The following PUDP variants were observed in gnomAD, a reference collection of about 807,000 sequenced individuals.
PUDP encodes the protein pseudouridine-5'-phosphatase.
In PUDP, 8 loss-of-function variants were observed where a neutral mutation model predicts 9.4. The observed-to-expected ratio is 0.85, with a 90% CI of 0.50 to 1.53. The LOEUF is 1.53. PUDP is among the 40% of genes most tolerant of loss of function. The pLI is 0.00. For synonymous variants in PUDP, 99 were observed against 80.7 expected (o/e 1.23, Z -1.22); for missense variants, 188 against 189.7 (o/e 0.99, Z 0.05).
chrX:7,047,865 G>A (rs1467624451), downstream of PUDP, among the ~76,000 whole-genome samples: 1 of 112,012 alleles, frequency 8.9e-6, no homozygotes, highest in Admixed American at 9.5e-5. Context: ...TAATGTGCAC[G>A]TTTTTTAAAA....
At chrX:6,831,003 G>C (rs1163975186) in intron 3 of PUDP, among the ~76,000 whole-genome samples, 1 of 111,362 alleles carries the variant, frequency 9.0e-6, no homozygotes, top group East Asian at 2.8e-4. Flanking sequence ...TGGGAATCAA[G>C]GCTTTTATGG....
intron 3 of PUDP, among the ~76,000 whole-genome samples, chrX:6,823,168 C>A (rs1389055501): frequency 1.8e-5 from 2 of 111,112 alleles, no homozygotes; most frequent in African/African-American, 6.6e-5. Context: ...CAAAGTAAGA[C>A]CTTGTCTTAA....
intron 1 of PUDP, among the ~76,000 whole-genome samples, chrX:6,994,687 T>C (rs992591714): frequency 8.9e-6 from 1 of 111,954 alleles, no homozygotes; most frequent in African/African-American, 3.2e-5. Context: ...CATAGTGAGA[T>C]GTAGGCTACA....
chrX:6,870,560 C>T (rs979022350), intron 3 of PUDP, among the ~76,000 whole-genome samples: 1 of 111,785 alleles, frequency 8.9e-6, no homozygotes, highest in Non-Finnish European at 1.9e-5. Context: ...AACTGTAAGT[C>T]GATTAAATCT....
At chrX:6,921,006 G>A (rs1335724009) in intron 3 of PUDP, among the ~76,000 whole-genome samples, 2 of 110,788 alleles carry the variant, frequency 1.8e-5, no homozygotes, top group Non-Finnish European at 3.8e-5. Context: ...GCCTGAGAGT[G>A]GGGTGAGTGT....
intron 3 of PUDP, among the ~76,000 whole-genome samples, chrX:6,860,473 T>G (rs985219999): frequency 9.6e-6 from 1 of 104,257 alleles, no homozygotes; most frequent in East Asian, 3.6e-4. Context: ...TTTTTGTTTT[T>G]TGTTTTTTGT....
chrX:7,035,313 G>A (rs1929839812), intron 1 of PUDP, among the ~76,000 whole-genome samples: 2 of 111,444 alleles, frequency 1.8e-5, no homozygotes, highest in South Asian at 7.6e-4. Context: ...CAAAAATTAG[G>A]TTTCCTGGTG....
intron 1 of PUDP, among the ~76,000 whole-genome samples, chrX:7,126,768 G>A (rs760278535): frequency 9.0e-6 from 1 of 111,051 alleles, no homozygotes; most frequent in African/African-American, 3.3e-5. Flanking sequence ...AGTTTGAGGG[G>A]GACATGACTC....
intron 3 of PUDP, among the ~76,000 whole-genome samples, chrX:6,914,000 TA>T (rs766119074): frequency 1.8e-5 from 2 of 109,175 alleles, no homozygotes; most frequent in Non-Finnish European, 1.9e-5. Context: ...ACCCCGTCTC[TA>T]CTAAAAATAC....
chrX:6,845,948 T>C (rs1926738760), intron 3 of PUDP, among the ~76,000 whole-genome samples: 1 of 111,628 alleles, frequency 9.0e-6, no homozygotes, highest in African/African-American at 3.3e-5. Flanking sequence ...AGTAAAGAAA[T>C]GGAGAGTAAG....
At chrX:6,766,110 A>AG (rs749157557) in intron 3 of PUDP, among the ~76,000 whole-genome samples, 1 of 111,731 alleles carries the variant, frequency 9.0e-6, no homozygotes. Context: ...TAAAAAAAAA[A>AG]CTGTCAACCC....
chrX:7,110,078 C>T lies in PUDP; in HGVS notation c.62-4240G>A, dbSNP rs777808326. ...GGAGAGCCTGGCAGGGAGGTGGAAG[C>T]TCTGAAGAAGCTACAGGGTGCCCCA... is the stretch of plus-strand genomic sequence containing the variant. On this transcript the variant is annotated intron_variant, in intron 1 of 3. Transcript: ENST00000381077. Among the ~76,000 whole-genome samples the T allele has an allele frequency of 6.9e-4, 77 of 112,289 alleles. 2 individuals carry two copies. The Admixed American group carries it at 7.1e-3, about 10-fold the overall frequency.
intron 3 of PUDP, among the ~76,000 whole-genome samples, chrX:6,941,882 G>T (rs752405958): frequency 1.1e-4 from 12 of 112,061 alleles, no homozygotes; most frequent in African/African-American, 3.9e-4. Context: ...TCTCTAGAAA[G>T]AAATAATCTT....
intron 3 of PUDP, among the ~76,000 whole-genome samples, chrX:6,890,577 C>T (rs1254479838): frequency 1.8e-5 from 2 of 110,923 alleles, no homozygotes; most frequent in African/African-American, 3.3e-5. Flanking sequence ...TATAGTGGCA[C>T]ATTTTCCACA....
intron 3 of PUDP, among the ~76,000 whole-genome samples, chrX:6,726,830 A>G (rs1924744334): frequency 8.9e-6 from 1 of 111,978 alleles, no homozygotes; most frequent in Non-Finnish European, 1.9e-5. Context: ...GATTCATTTA[A>G]TCAATTAAAT....
chrX:7,133,211 G>A (rs185447407), intron 1 of PUDP, among the ~76,000 whole-genome samples: 10 of 111,646 alleles, frequency 9.0e-5, no homozygotes, highest in East Asian at 5.6e-4. Context: ...TCTTGGCCAC[G>A]CGGGTAGGAA....
chrX:6,996,640 A>ATG (rs1225704467), intron 1 of PUDP, among the ~76,000 whole-genome samples: 1 of 105,142 alleles, frequency 9.5e-6, no homozygotes. Flanking sequence ...GTATATATAT[A>ATG]TGTGTGTGTG....
At chrX:6,957,681 A>T (rs1397469418) in intron 3 of PUDP, among the ~76,000 whole-genome samples, 2 of 112,503 alleles carry the variant, frequency 1.8e-5, no homozygotes, top group Non-Finnish European at 3.7e-5. Flanking sequence ...TGGCTCGGGA[A>T]CTAGGTAATA....
At chrX:6,990,813 C>A (rs967650164) in intron 1 of PUDP, among the ~76,000 whole-genome samples, 3 of 112,543 alleles carry the variant, frequency 2.7e-5, no homozygotes, top group Non-Finnish European at 5.6e-5. Flanking sequence ...AGAGGGAGAG[C>A]CAGCAGGTTG....
Sources: gnomAD v4.1 joint callset for allele counts (sites outside exome capture counted in the v4.1 genomes callset) on GRCh38, gnomAD v4.1.1 for gene constraint, MANE v1.5 for transcripts, NCBI Gene and HGNC (gene_info 2026-07-23, HGNC 2026-07-21) for gene names.